The following ERICH1 variants were observed in gnomAD, a reference collection of about 807,000 sequenced individuals.
ERICH1 encodes glutamate rich 1.
Under a neutral mutation model 39.6 loss-of-function variants are expected in ERICH1, and 56 were observed. That is an observed-to-expected ratio of 1.41 (90% CI 1.14 to 1.77). ERICH1 has a LOEUF of 1.77. Ranked by LOEUF, ERICH1 falls within the 40% of genes most tolerant of loss-of-function variation. The pLI is 0.00. For missense variants in ERICH1, 826 were observed against 575.4 expected (o/e 1.44, Z -4.45); for synonymous variants, 313 against 223.6 (o/e 1.40, Z -3.57).
chr8:717,128 G>A (rs750779652), intron 1 of ERICH1, among the ~76,000 whole-genome samples: 1 of 152,148 alleles, frequency 6.6e-6, no homozygotes, highest in African/African-American at 2.4e-5. Flanking sequence ...CTCCACCTCC[G>A]CGGCTCCCAG....
At chr8:684,655 A>G (rs1271655041) in intron 3 of ERICH1, among the ~76,000 whole-genome samples, 4 of 152,150 alleles carry the variant, frequency 2.6e-5, no homozygotes, top group East Asian at 1.9e-4. Context: ...CCAGCCCCCA[A>G]TATTTCAACA....
chr8:671,718 G>A (rs1185259401), intron 4 of ERICH1: 9 of 111,172 alleles, frequency 8.1e-5, no homozygotes, highest in Non-Finnish European at 1.5e-4. Flanking sequence ...TGAACCTGCC[G>A]CCCCGGCTCT....
intron 3 of ERICH1, among the ~76,000 whole-genome samples, chr8:653,943 G>A (rs1244274114): frequency 6.6e-6 from 1 of 152,020 alleles, no homozygotes; most frequent in Non-Finnish European, 1.5e-5. Flanking sequence ...GCTGGTCACA[G>A]AAGGACAAAT....
At chr8:630,020 G>C (rs1228202743) in intron 3 of ERICH1, among the ~76,000 whole-genome samples, 1 of 122,690 alleles carries the variant, frequency 8.2e-6, no homozygotes, top group African/African-American at 3.4e-5. Flanking sequence ...AGACAAAGCT[G>C]ACTCACACCC....
chr8:670,011 TCAGGGACA>T, intron 4 of ERICH1, among the ~76,000 whole-genome samples: 1 of 152,138 alleles, frequency 6.6e-6, no homozygotes, highest in East Asian at 1.9e-4. Flanking sequence ...TGGGCCTGTT[TCAGGGACA>T]CAACTTCCCA....
chr8:705,487 T>TAA (rs907329835), intron 2 of ERICH1, among the ~76,000 whole-genome samples: 1 of 151,678 alleles, frequency 6.6e-6, no homozygotes, highest in Non-Finnish European at 1.5e-5. Flanking sequence ...TGTTCATGAT[T>TAA]AAAAAAAAAT....
chr8:706,400 A>T (rs1250164681), intron 2 of ERICH1, among the ~76,000 whole-genome samples: 2 of 152,238 alleles, frequency 1.3e-5, no homozygotes, highest in Non-Finnish European at 1.5e-5. Flanking sequence ...AGCACCAAAA[A>T]GAATAAAATA....
At chr8:630,062 T>A (rs62486189) in intron 3 of ERICH1, among the ~76,000 whole-genome samples, 49 of 104,462 alleles carry the variant, frequency 4.7e-4, no homozygotes, top group Middle Eastern at 8.8e-3. Flanking sequence ...CAGAGCTGAC[T>A]CACACCCTCC....
chr8:651,423 GAA>G (rs573093932), intron 3 of ERICH1, among the ~76,000 whole-genome samples: 77 of 152,236 alleles, frequency 5.1e-4, no homozygotes, highest in Non-Finnish European at 9.6e-4. Context: ...CCGGGGCACA[GAA>G]AGTTTCCGGT....
At chr8:671,100 T>C (rs1259233119) in intron 4 of ERICH1, among the ~76,000 whole-genome samples, 32 of 133,574 alleles carry the variant, frequency 2.4e-4, no homozygotes, top group African/African-American at 4.0e-4. Flanking sequence ...CTAATGTCTG[T>C]GCTCACTGGT....
chr8:615,405 C>T (rs1417698223), intron 3 of ERICH1: 1 of 559,306 alleles, frequency 1.8e-6, no homozygotes, highest in Non-Finnish European at 3.1e-6. Context: ...TTCCTAAGCC[C>T]TGCTTTCCTC....
intron 3 of ERICH1, among the ~76,000 whole-genome samples, chr8:621,543 G>C (rs1171523339): frequency 1.3e-5 from 2 of 151,514 alleles, no homozygotes; most frequent in Non-Finnish European, 1.5e-5. Flanking sequence ...AAAGAGAAAG[G>C]AGATAGAGAA....
chr8:658,130 C>T (rs972441277), intron 3 of ERICH1, among the ~76,000 whole-genome samples: 1 of 152,224 alleles, frequency 6.6e-6, no homozygotes, highest in Non-Finnish European at 1.5e-5. Flanking sequence ...TCTGGCTGGG[C>T]CCCAGTCTTT....
intron 4 of ERICH1, chr8:669,045 C>T: frequency 2.2e-6 from 1 of 446,244 alleles, no homozygotes; most frequent in Non-Finnish European, 3.9e-6. Flanking sequence ...CCATCTACAC[C>T]TCTGTCTGGT....
chr8:616,523 C>A (rs1352118518), intron 3 of ERICH1: 5 of 455,876 alleles, frequency 1.1e-5, no homozygotes, highest in African/African-American at 8.0e-5. Context: ...GGAGTTGATA[C>A]CTGGGGACCA....
intron 3 of ERICH1, among the ~76,000 whole-genome samples, chr8:691,493 A>G (rs1808907263): frequency 1.3e-5 from 2 of 152,266 alleles, no homozygotes; most frequent in African/African-American, 4.8e-5. Flanking sequence ...GACAACAGGA[A>G]GGGCGTGAGT....
At chr8:636,619 C>G (rs2117168464) in intron 3 of ERICH1, among the ~76,000 whole-genome samples, 2 of 152,376 alleles carry the variant, frequency 1.3e-5, no homozygotes, top group South Asian at 4.1e-4. Flanking sequence ...ACTGTCCCAC[C>G]AAATGCACAA....
chr8:654,257 G>A (rs896870017), intron 3 of ERICH1, among the ~76,000 whole-genome samples: 4 of 152,160 alleles, frequency 2.6e-5, no homozygotes, highest in Non-Finnish European at 5.9e-5. Flanking sequence ...CTAAGGCAAC[G>A]TAACCGTTCA....
At chr8:617,102 G>A (rs1051350900) in intron 3 of ERICH1, among the ~76,000 whole-genome samples, 2 of 152,150 alleles carry the variant, frequency 1.3e-5, no homozygotes, top group Non-Finnish European at 2.9e-5. Flanking sequence ...GTATGACAGT[G>A]CATATTATTC....
Sources: allele counts gnomAD v4.1 joint callset (sites outside exome capture counted in the v4.1 genomes callset), GRCh38; gene constraint gnomAD v4.1.1; transcripts MANE v1.5; gene names NCBI Gene and HGNC (gene_info 2026-07-23, HGNC 2026-07-21).